Variants in KCNN3 observed in about 807,000 individuals in gnomAD.
KCNN3 encodes the protein potassium calcium-activated channel subfamily N member 3, also known as small conductance calcium-activated potassium channel protein 3.
In KCNN3, 16 loss-of-function variants were observed where a neutral mutation model predicts 62.9. The observed-to-expected ratio is 0.25, with a 90% CI of 0.17 to 0.39. The LOEUF (loss-of-function observed/expected upper bound fraction) is 0.39. KCNN3 is among the 10% of genes least tolerant of loss of function. KCNN3 has a pLI of 1.00. For missense variants in KCNN3, 599 were observed against 949.4 expected, an observed-to-expected ratio of 0.63 and a Z score of 4.85; for synonymous variants, 370 against 389.2, an observed-to-expected ratio of 0.95 and a Z score of 0.58.
chr1:154,713,369 C>T (rs1700118497), intron 7 of KCNN3, 95 bp downstream of exon 7: 1 of 981,268 alleles, frequency 1.0e-6, no homozygotes, highest in Non-Finnish European at 1.7e-6. Context: ...TGGTCCCGCG[C>T]TGTCCAGTGC....
intron 2 of KCNN3, among the ~76,000 whole-genome samples, chr1:154,776,630 C>T (rs755465966): frequency 3.3e-5 from 5 of 152,170 alleles, no homozygotes; most frequent in Admixed American, 6.5e-5. Flanking sequence ...CGCTCCCTCC[C>T]GATTCAGAGC....
chr1:154,742,523 T>G (rs1700843512), intron 3 of KCNN3, among the ~76,000 whole-genome samples: 1 of 152,118 alleles, frequency 6.6e-6, no homozygotes, highest in South Asian at 2.1e-4. Flanking sequence ...CTAAAATGAT[T>G]AGAGCAGTGC....
chr1:154,751,139 C>T (rs894646238), intron 3 of KCNN3, among the ~76,000 whole-genome samples: 2 of 152,232 alleles, frequency 1.3e-5, no homozygotes, highest in Non-Finnish European at 2.9e-5. Flanking sequence ...AGGAGAGAGA[C>T]CCTTGGCTGG....
intron 1 of KCNN3, among the ~76,000 whole-genome samples, chr1:154,832,053 G>A (rs958290899): frequency 5.3e-5 from 8 of 151,916 alleles, no homozygotes; most frequent in African/African-American, 9.7e-5. Flanking sequence ...CAGGCAGCCC[G>A]GCCCACCCTG....
intron 1 of KCNN3, among the ~76,000 whole-genome samples, chr1:154,849,776 G>A (rs541802154): frequency 6.6e-6 from 1 of 152,172 alleles, no homozygotes; most frequent in Admixed American, 6.5e-5. Flanking sequence ...ATGAGTCATC[G>A]AAAGCAGGGT....
chr1:154,851,986 CCTCCA>C, intron 1 of KCNN3, among the ~76,000 whole-genome samples: 1 of 152,352 alleles, frequency 6.6e-6, no homozygotes, highest in South Asian at 2.1e-4. Flanking sequence ...CCACATGATC[CCTCCA>C]CTCACTGAAT....
chr1:154,805,314 T>C (rs542364350), intron 2 of KCNN3, among the ~76,000 whole-genome samples: 1 of 152,272 alleles, frequency 6.6e-6, no homozygotes, highest in South Asian at 2.1e-4. Flanking sequence ...CTGATGCACT[T>C]TCAAATCACC....
intron 1 of KCNN3, among the ~76,000 whole-genome samples, chr1:154,860,338 C>G (rs573441776): frequency 1.2e-4 from 19 of 152,318 alleles, no homozygotes; most frequent in African/African-American, 4.3e-4. Context: ...CTTTTTCTGC[C>G]TGGTCATCGT....
At chr1:154,853,109 C>G (rs2101925094) in intron 1 of KCNN3, among the ~76,000 whole-genome samples, 1 of 151,904 alleles carries the variant, frequency 6.6e-6, no homozygotes, top group East Asian at 1.9e-4. Flanking sequence ...CCCACCCCAG[C>G]CACCCAAGTA....
intron 2 of KCNN3, among the ~76,000 whole-genome samples, chr1:154,812,501 T>A (rs920324858): frequency 2.7e-5 from 4 of 149,688 alleles, no homozygotes; most frequent in East Asian, 2.0e-4. Flanking sequence ...AGTGAGAACA[T>A]GCGGTGTTTG....
chr1:154,818,337 G>A (rs891353742), intron 2 of KCNN3, among the ~76,000 whole-genome samples: 3 of 152,130 alleles, frequency 2.0e-5, no homozygotes, highest in Admixed American at 6.5e-5. Context: ...GCCTCTTCTC[G>A]GCAGAAGGGC....
chr1:154,855,487 C>CGAAA (rs1652484728), intron 1 of KCNN3, among the ~76,000 whole-genome samples: 2 of 152,128 alleles, frequency 1.3e-5, no homozygotes, highest in Admixed American at 6.6e-5. Flanking sequence ...TACAGTATTT[C>CGAAA]TACTGTACCT....
chr1:154,801,092 C>T (rs1478997043), intron 2 of KCNN3, among the ~76,000 whole-genome samples: 2 of 151,228 alleles, frequency 1.3e-5, no homozygotes, highest in African/African-American at 4.9e-5. Flanking sequence ...CTCCAGCCTC[C>T]GTCCTCCTTT....
At chr1:154,867,959 C>T in intron 1 of KCNN3, 3 of 985,362 alleles carry the variant, frequency 3.0e-6, no homozygotes, top group Middle Eastern at 5.2e-4. Context: ...CTTCCTCCAT[C>T]TCCACTCCCT....
At chr1:154,734,393 T>C (rs1012376848) in intron 3 of KCNN3, among the ~76,000 whole-genome samples, 1 of 152,198 alleles carries the variant, frequency 6.6e-6, no homozygotes, top group Non-Finnish European at 1.5e-5. Flanking sequence ...AAAAGCCATT[T>C]AGGAACCTTA....
chr1:154,744,925 C>CAA (rs5777930), intron 3 of KCNN3, among the ~76,000 whole-genome samples: 14,494 of 131,794 alleles, frequency 0.11, 747 homozygotes, highest in South Asian at 0.2. Context: ...CACATTAAGG[C>CAA]AAAAAAAAAA....
Position 154,706,108 on chromosome 1 carries a change from A to T in KCNN3, c.*1868T>A, listed in dbSNP as rs1037814293. 7 of 152,268 alleles carry T rather than the reference A, an allele frequency of 4.6e-5. No homozygotes were observed. The highest frequency in any genetic ancestry group is 1.4e-4 in the African/African-American group (6 of 41,470). The allele number at this position is 152,268 out of a possible 1,614,324, so 9.4% of individuals were successfully genotyped here. Reference sequence around the variant, plus strand: ...TTCAAAGGAATTATCAAGGCAGGCCATTAAGACTATAAACCATCAAAAGAG... The same window carrying T: ...TTCAAAGGAATTATCAAGGCAGGCCTTTAAGACTATAAACCATCAAAAGAG... On this transcript the variant is annotated 3_prime_UTR_variant, in exon 8 of 8. Transcript: ENST00000271915.
At chr1:154,716,160 T>C (rs1333628624) in intron 5 of KCNN3, among the ~76,000 whole-genome samples, 3 of 152,226 alleles carry the variant, frequency 2.0e-5, no homozygotes, top group East Asian at 1.9e-4. Context: ...ACCAGGCTCA[T>C]GACTGAGCTG....
At chr1:154,715,531 C>G (rs556466872) in intron 5 of KCNN3, among the ~76,000 whole-genome samples, 1 of 149,788 alleles carries the variant, frequency 6.7e-6, no homozygotes, top group South Asian at 2.2e-4. Context: ...GTTGGAGGGT[C>G]TTTCTTTCTT....
Sources: allele counts gnomAD v4.1 joint callset (sites outside exome capture counted in the v4.1 genomes callset), GRCh38; gene constraint gnomAD v4.1.1; transcripts MANE v1.5; gene names NCBI Gene and HGNC (gene_info 2026-07-23, HGNC 2026-07-21).